Variants in PCDHGA7 observed in about 807,000 individuals in gnomAD.
The protein encoded by PCDHGA7 is protocadherin gamma subfamily A, 7.
In PCDHGA7, 44 loss-of-function variants were observed where a neutral mutation model predicts 58.3. That is an observed-to-expected ratio of 0.75 (90% CI 0.59 to 0.97). The LOEUF is 0.97. PCDHGA7 is among the 50% of genes least tolerant of loss of function. The pLI, the probability that PCDHGA7 is intolerant of heterozygous loss-of-function variation, is 0.00. For missense variants in PCDHGA7, 1,266 were observed against 1,188.7 expected (o/e 1.06, Z -0.96); for synonymous variants, 516 against 504.2 (o/e 1.02, Z -0.31).
intron 1 of PCDHGA7, among the ~76,000 whole-genome samples, chr5:141,461,739 C>T (rs1048636018): frequency 3.9e-5 from 6 of 152,134 alleles, no homozygotes; most frequent in Non-Finnish European, 7.4e-5. Context: ...GGCACAATCC[C>T]GGCTCCCAGA....
In PCDHGA7 at chr5:141,490,023, G is replaced by A. The variant is rs1306715385; in HGVS notation, c.2425-4784G>A. The A allele has an allele frequency of 1.2e-6, 2 of 1,614,134 alleles. No homozygotes were observed. Among genetic ancestry groups the A allele is most frequent in the Non-Finnish European group, 1.7e-6 (2 of 1,180,060 alleles). On this transcript the variant is annotated intron_variant, in intron 1 of 3. Transcript: ENST00000518325. This position sits in a 1 kb window ranked among gnomAD's most constrained non-coding sequence, Gnocchi z 5.4. ...AGAATGCACCCATTGGTACTCTGCT[G>A]CTCCGCCTCAATGCCACTGATCCAG... is the stretch of plus-strand genomic sequence containing the variant.
intron 2 of PCDHGA7, among the ~76,000 whole-genome samples, chr5:141,504,008 C>G (rs2099835164): frequency 6.6e-6 from 1 of 152,208 alleles, no homozygotes; most frequent in South Asian, 2.1e-4. Flanking sequence ...ACTTAACTGT[C>G]TCTGCTGGTC....
chr5:141,476,038 G>A lies in PCDHGA7; in HGVS notation c.2425-18769G>A, dbSNP rs1426234941. 1.3e-6 allele frequency: 2 copies of A among 1,484,842 alleles called. No homozygotes were observed. Among genetic ancestry groups the A allele is most frequent in the Non-Finnish European group, 1.8e-6 (2 of 1,118,086 alleles). 92.0% of individuals were successfully genotyped at this position (1,484,842 alleles called of 1,614,324 possible). The stretch of plus-strand genomic sequence containing the variant: ...GTCGGACTCGGCGCCCAGCGCCCAA[G>A]CGCTAACCCGCTGAAAGTTTCTCAG... On this transcript the variant is annotated intron_variant, in intron 1 of 3. Coordinates refer to ENST00000518325, the MANE Select transcript of PCDHGA7 (RefSeq NM_018920.4). The surrounding 1 kb of genome is among the most constrained non-coding windows in gnomAD (Gnocchi z 7.6).
At chr5:141,440,165 A>G (rs935524872) in intron 1 of PCDHGA7, 2 of 152,300 alleles carry the variant, frequency 1.3e-5, no homozygotes, top group African/African-American at 4.8e-5. Flanking sequence ...AGCTTGGGCC[A>G]TAACGCTTTG....
chr5:141,506,216 T>A (rs2237080), intron 3 of PCDHGA7, among the ~76,000 whole-genome samples: 78,167 of 151,604 alleles, frequency 0.52, 20,820 homozygotes, highest in African/African-American at 0.63. Flanking sequence ...TTTGGGAAGC[T>A]GAGGCAGGAG....
chr5:141,478,246 C>T (rs1305046488), intron 1 of PCDHGA7: 1 of 1,614,100 alleles, frequency 6.2e-7, no homozygotes, highest in Admixed American at 1.7e-5. Context: ...TCACAGTGTT[C>T]GGAGTAATCA....
At chr5:141,413,333 C>T in intron 1 of PCDHGA7, 1 of 1,613,966 alleles carries the variant, frequency 6.2e-7, no homozygotes, top group Non-Finnish European at 8.5e-7. Context: ...GGCAACATCT[C>T]CAAGGACTTG....
intron 1 of PCDHGA7, among the ~76,000 whole-genome samples, chr5:141,454,730 A>C (rs2098797371): frequency 6.7e-6 from 1 of 150,092 alleles, no homozygotes; most frequent in Admixed American, 6.7e-5. Context: ...TATATGTTAT[A>C]GGATGAAAAG....
In PCDHGA7 at chr5:141,393,482, T is replaced by C. The variant is rs116240246; in HGVS notation, c.2424+8159T>C. The C allele has an allele frequency of 5.3e-4, 852 of 1,614,070 alleles. 7 individuals carry two copies. In the African/African-American group the frequency reaches 0.01, roughly 19 times the overall value. ...CGGATGGCGGCAAGCCGCCTCGCTC[T>C]AGCACAGTGCGCATCCACGTGACAG... is the stretch of plus-strand genomic sequence containing the variant. On this transcript the variant is annotated intron_variant, in intron 1 of 3. Coordinates refer to ENST00000518325, the MANE Select transcript of PCDHGA7 (RefSeq NM_018920.4).
At chr5:141,422,279 C>T (rs1344316011) in intron 1 of PCDHGA7, 1 of 1,557,956 alleles carries the variant, frequency 6.4e-7, no homozygotes, top group Non-Finnish European at 8.6e-7. Context: ...ATAACTATCA[C>T]CTCTTCTATT....
intron 1 of PCDHGA7, chr5:141,395,733 T>C (rs567626582): frequency 5.9e-5 from 9 of 153,748 alleles, no homozygotes; most frequent in African/African-American, 2.2e-4. Context: ...TTTCTTCACT[T>C]TAAACCTCTT....
intron 1 of PCDHGA7, chr5:141,391,966 T>A (rs1389260854): frequency 1.3e-5 from 2 of 152,162 alleles, no homozygotes; most frequent in African/African-American, 2.4e-5. Context: ...ACAATGTAAA[T>A]AAAATAGCAA....
At chr5:141,460,882 C>G (rs2098999926) in intron 1 of PCDHGA7, among the ~76,000 whole-genome samples, 1 of 149,600 alleles carries the variant, frequency 6.7e-6, no homozygotes, top group Non-Finnish European at 1.5e-5. Context: ...TTATTTCATG[C>G]CTTTTCGTGG....
chr5:141,390,373 A>T, intron 1 of PCDHGA7: 1 of 1,481,208 alleles, frequency 6.8e-7, no homozygotes, highest in Non-Finnish European at 9.2e-7. Flanking sequence ...AAAATATATA[A>T]TTTTTAGATG....
intron 1 of PCDHGA7, chr5:141,420,414 T>C: frequency 8.2e-7 from 1 of 1,221,674 alleles, no homozygotes; most frequent in Non-Finnish European, 1.1e-6. Flanking sequence ...GTTATCATTA[T>C]TAAAACAAAA....
Position 141,476,443 on chromosome 5 carries a change from G to A in PCDHGA7, c.2425-18364G>A, listed in dbSNP as rs752285213. 1 of 1,614,044 alleles carries A rather than the reference G, an allele frequency of 6.2e-7. No individual in the cohort carries two copies. The highest frequency in any genetic ancestry group is 8.5e-7 in the Non-Finnish European group (1 of 1,180,038). ...TGCCCTCTTGCACTGTAACTCTGGAGTTGGTAGTGGAGAACCCGCTGGAGC... is the reference window on the plus strand; with the variant it reads ...TGCCCTCTTGCACTGTAACTCTGGAATTGGTAGTGGAGAACCCGCTGGAGC... On this transcript the variant is annotated intron_variant, in intron 1 of 3. Transcript: ENST00000518325. This position sits in a 1 kb window ranked among gnomAD's most constrained non-coding sequence, Gnocchi z 7.6.
intron 1 of PCDHGA7, chr5:141,418,409 G>A (rs2096254230): frequency 6.2e-7 from 1 of 1,613,792 alleles, no homozygotes; most frequent in African/African-American, 1.3e-5. Context: ...GGTGGAGAAA[G>A]ACAATCCTGA....
Position 141,477,575 on chromosome 5 carries a change from C to T in PCDHGA7, c.2425-17232C>T. The T allele has an allele frequency of 6.2e-7, 1 of 1,614,176 alleles. No individual in the cohort carries two copies. The highest frequency in any genetic ancestry group is 8.5e-7 in the Non-Finnish European group (1 of 1,180,030). On this transcript the variant is annotated intron_variant, in intron 1 of 3. Coordinates refer to ENST00000518325, the MANE Select transcript of PCDHGA7 (RefSeq NM_018920.4). This position sits in a 1 kb window ranked among gnomAD's most constrained non-coding sequence, Gnocchi z 4.9. ...CCTAAGTGTCTGGGACCCCGACGCC[C>T]CGCAGAATGCTCGGCTTTCTTTCTT... is the stretch of plus-strand genomic sequence containing the variant.
chr5:141,432,575 T>TACC lies in PCDHGA7; in HGVS notation c.2424+47253_2424+47255dup, dbSNP rs1044250629. 6.2e-7 allele frequency: 1 copy of TACC among 1,613,326 alleles called. No individual in the cohort carries two copies. The highest frequency in any genetic ancestry group is 1.3e-5 in the African/African-American group (1 of 74,718). ...CTCCGGCCAGAACGCCTGGCTGTCC[T>TACC]ACCGTCTGCTCAAGGCCAGCGAGCC... On this transcript the variant is annotated intron_variant, in intron 1 of 3. Transcript: ENST00000518325. This position sits in a 1 kb window ranked among gnomAD's most constrained non-coding sequence, Gnocchi z 6.0.
Sources: allele counts gnomAD v4.1 joint callset (sites outside exome capture counted in the v4.1 genomes callset), GRCh38; gene constraint gnomAD v4.1.1; non-coding constraint Gnocchi (gnomAD v3.1); transcripts MANE v1.5; gene names NCBI Gene and HGNC (gene_info 2026-07-23, HGNC 2026-07-21).